The following DAB1 variants were observed in gnomAD, a reference collection of about 807,000 sequenced individuals.
The protein encoded by DAB1 is disabled homolog 1.
In DAB1, 15 loss-of-function variants were observed where a neutral mutation model predicts 64.6. The ratio of observed to expected loss-of-function variants is 0.23; its 90% confidence interval spans 0.16 to 0.36. DAB1 has a LOEUF of 0.36. Ranked by LOEUF, DAB1 falls within the 10% of genes least tolerant of loss-of-function variation. The pLI is 1.00. For missense variants in DAB1, 596 were observed against 706.7 expected, an observed-to-expected ratio of 0.84 and a Z score of 1.78; for synonymous variants, 235 against 251.9, an observed-to-expected ratio of 0.93 and a Z score of 0.64.
At chr1:57,440,113 G>A (rs920116307) in intron 7 of DAB1, among the ~76,000 whole-genome samples, 1 of 151,800 alleles carries the variant, frequency 6.6e-6, no homozygotes, top group Non-Finnish European at 1.5e-5. Flanking sequence ...CTCATTTTTT[G>A]AAATTCTTCT....
chr1:57,114,582 T>C (rs1351590723), intron 4 of DAB1, among the ~76,000 whole-genome samples: 1 of 152,218 alleles, frequency 6.6e-6, no homozygotes, highest in East Asian at 1.9e-4. Context: ...GTGTATTTGC[T>C]GCATCGATTA....
At chr1:57,209,987 CA>C (rs1430533627) in intron 2 of DAB1, among the ~76,000 whole-genome samples, 2 of 152,220 alleles carry the variant, frequency 1.3e-5, no homozygotes, top group African/African-American at 2.4e-5. Flanking sequence ...TAGCTTCTTA[CA>C]AACTGTGTGA....
intron 3 of DAB1, among the ~76,000 whole-genome samples, chr1:58,473,555 AATAAATAAATAAAT>A (rs1645387592): frequency 1.6e-5 from 2 of 122,232 alleles, no homozygotes; most frequent in African/African-American, 5.6e-5. Context: ...AAAATAAATA[AATAAATAAATAAAT>A]AAATAAATAA....
intron 4 of DAB1, among the ~76,000 whole-genome samples, chr1:57,113,782 C>A (rs1176671199): frequency 6.6e-6 from 1 of 152,118 alleles, no homozygotes; most frequent in Admixed American, 6.5e-5. Flanking sequence ...TTCATTACAG[C>A]CTGATTTTAA....
At chr1:57,905,648 T>TG (rs1322656938) in intron 5 of DAB1, among the ~76,000 whole-genome samples, 2 of 152,166 alleles carry the variant, frequency 1.3e-5, no homozygotes, top group Non-Finnish European at 2.9e-5. Flanking sequence ...ATGTAAACTT[T>TG]GGAGGCACCA....
intron 1 of DAB1, among the ~76,000 whole-genome samples, chr1:57,369,439 T>G (rs1374515973): frequency 6.6e-6 from 1 of 152,170 alleles, no homozygotes; most frequent in Non-Finnish European, 1.5e-5. Context: ...TTAATGAACA[T>G]TTTCCTTTTT....
intron 6 of DAB1, among the ~76,000 whole-genome samples, chr1:57,727,048 G>T (rs1357490375): frequency 6.6e-6 from 1 of 152,208 alleles, no homozygotes; most frequent in East Asian, 1.9e-4. Context: ...GAGCAAGAAT[G>T]ATGGCGAGAA....
At chr1:57,240,928 C>A (rs979244245) in intron 2 of DAB1, among the ~76,000 whole-genome samples, 1 of 152,156 alleles carries the variant, frequency 6.6e-6, no homozygotes, top group Non-Finnish European at 1.5e-5. Flanking sequence ...GCAGACCTCT[C>A]CCCTTCTTGC....
At chr1:57,028,194 G>T (rs113585266) in intron 9 of DAB1, among the ~76,000 whole-genome samples, 6,956 of 152,154 alleles carry the variant, frequency 0.046, 537 homozygotes, top group African/African-American at 0.16. Flanking sequence ...CATGGGGGCT[G>T]GTCTTTCCCA....
intron 6 of DAB1, among the ~76,000 whole-genome samples, chr1:57,723,503 T>C (rs148781277): frequency 1.3e-5 from 2 of 152,342 alleles, no homozygotes; most frequent in East Asian, 3.9e-4. Context: ...AAGACAACTT[T>C]GGGTTTGCAG....
chr1:57,424,145 C>G (rs1445579343), upstream of DAB1: 2 of 148,780 alleles, frequency 1.3e-5, no homozygotes, highest in Admixed American at 1.3e-4. Context: ...CCGCGGCCCC[C>G]CGCCCCGCCG....
intron 7 of DAB1, among the ~76,000 whole-genome samples, chr1:57,520,261 G>A (rs1314280903): frequency 6.6e-6 from 1 of 152,018 alleles, no homozygotes; most frequent in African/African-American, 2.4e-5. Context: ...TGAATCCCAG[G>A]TTTATTTTTA....
chr1:57,315,692 C>CG (rs1675135858), intron 1 of DAB1, among the ~76,000 whole-genome samples: 1 of 152,090 alleles, frequency 6.6e-6, no homozygotes, highest in Admixed American at 6.5e-5. Flanking sequence ...TTAGTAGAGA[C>CG]GGGGTCTCAC....
chr1:58,062,838 G>A (rs1648588668), intron 5 of DAB1, among the ~76,000 whole-genome samples: 1 of 152,194 alleles, frequency 6.6e-6, no homozygotes, highest in South Asian at 2.1e-4. Flanking sequence ...ATCTGGGTGA[G>A]TCATTTGCAA....
intron 1 of DAB1, chr1:58,530,571 G>A (rs777754801): frequency 1.2e-6 from 1 of 860,198 alleles, no homozygotes. Context: ...CAGAGGCTAT[G>A]ATCAATTCAA....
intron 4 of DAB1, among the ~76,000 whole-genome samples, chr1:58,157,230 C>A (rs1655273933): frequency 6.6e-6 from 1 of 152,204 alleles, no homozygotes; most frequent in Non-Finnish European, 1.5e-5. Context: ...ATAATGCAAT[C>A]TTCATTGAAA....
At chr1:57,742,583 T>C (rs1479112398) in intron 6 of DAB1, among the ~76,000 whole-genome samples, 2 of 152,064 alleles carry the variant, frequency 1.3e-5, no homozygotes, top group African/African-American at 2.4e-5. Context: ...AATACAAATA[T>C]GGGCCTACAG....
chr1:57,746,768 T>G (rs537471938), intron 6 of DAB1, among the ~76,000 whole-genome samples: 4 of 152,356 alleles, frequency 2.6e-5, no homozygotes, highest in East Asian at 1.9e-4. Flanking sequence ...TCTATTATTT[T>G]GTATTGTTAT....
At chr1:58,244,359 AG>A (rs1221886973) in intron 4 of DAB1, among the ~76,000 whole-genome samples, 1 of 152,210 alleles carries the variant, frequency 6.6e-6, no homozygotes, top group African/African-American at 2.4e-5. Flanking sequence ...TAAAGGGCAC[AG>A]GCTACTCATG....
Sources: allele counts gnomAD v4.1 joint callset (sites outside exome capture counted in the v4.1 genomes callset), GRCh38; gene constraint gnomAD v4.1.1; transcripts MANE v1.5; gene names NCBI Gene and HGNC (gene_info 2026-07-23, HGNC 2026-07-21).